RAPGEF5: variants seen among roughly 807,000 people sequenced by gnomAD.
The protein encoded by RAPGEF5 is Rap guanine nucleotide exchange factor 5.
A neutral mutation model predicts 125.2 loss-of-function variants in RAPGEF5; 65 were observed. The observed-to-expected ratio is 0.52, with a 90% CI of 0.43 to 0.64. RAPGEF5 has a LOEUF of 0.64. Ranked by LOEUF, RAPGEF5 falls within the 30% of genes least tolerant of loss-of-function variation. The pLI is 0.00. For synonymous variants in RAPGEF5, 391 were observed against 385.9 expected (o/e 1.01, Z -0.16); for missense variants, 958 against 1,048.1 (o/e 0.91, Z 1.19).
At chr7:22,214,183 G>C (rs1484353164) in intron 9 of RAPGEF5, among the ~76,000 whole-genome samples, 2 of 152,138 alleles carry the variant, frequency 1.3e-5, no homozygotes, top group African/African-American at 4.8e-5. Context: ...ACCCTACCCT[G>C]GCAGCAGACT....
At position 22,162,472 on chromosome 7, in the gene RAPGEF5, C is replaced by A; in HGVS notation, c.1353G>T (p.Leu451Phe). 1 of 1,604,088 alleles carries A rather than the reference C, an allele frequency of 6.2e-7. No individual in the cohort carries two copies. Among genetic ancestry groups the A allele is most frequent in the Non-Finnish European group, 8.5e-7 (1 of 1,170,984 alleles). Residue 451 changes from leucine to phenylalanine, a missense_variant, in exon 13 of 26, where the codon TTG (leucine) becomes TTT (phenylalanine). Coordinates refer to ENST00000665637, the MANE Select transcript of RAPGEF5 (RefSeq NM_012294.5). ...SDVPRRKRKV[L>F]HLVSQWIALY... The stretch of plus-strand genomic sequence containing the variant: ...GAGCAATCCACTGGGAAACAAGATG[C>A]AAGACTTTACGTTTCCTACGCGGAA...
intron 9 of RAPGEF5, among the ~76,000 whole-genome samples, chr7:22,217,672 T>A (rs1029309867): frequency 6.6e-6 from 1 of 152,206 alleles, no homozygotes; most frequent in African/African-American, 2.4e-5. Flanking sequence ...AGATCCCTAA[T>A]ATTCCTTTCC....
chr7:22,211,587 A>G (rs1785507220), intron 9 of RAPGEF5, among the ~76,000 whole-genome samples: 1 of 152,208 alleles, frequency 6.6e-6, no homozygotes. Flanking sequence ...TTTTGCATGT[A>G]TGCTGGTTAC....
chr7:22,155,292 T>C (rs1425203237), intron 16 of RAPGEF5, among the ~76,000 whole-genome samples: 1 of 152,236 alleles, frequency 6.6e-6, no homozygotes, highest in East Asian at 1.9e-4. Context: ...TAGGACATTA[T>C]CACTATCAGG....
chr7:22,356,054 T>A, intron 1 of RAPGEF5: 3 of 985,386 alleles, frequency 3.0e-6, no homozygotes, highest in Non-Finnish European at 3.6e-6. Context: ...TGGCGGGGCC[T>A]CCTAGGTGGC....
At chr7:22,213,006 A>G (rs1447638038) in intron 9 of RAPGEF5, among the ~76,000 whole-genome samples, 1 of 152,228 alleles carries the variant, frequency 6.6e-6, no homozygotes, top group African/African-American at 2.4e-5. Context: ...CAGAGAATAA[A>G]AGGACCCTTT....
In RAPGEF5 at chr7:22,156,830, G is replaced by T. The variant is rs766612818; in HGVS notation, c.1616C>A (p.Thr539Asn). 4 of 1,613,816 alleles carry T rather than the reference G, an allele frequency of 2.5e-6. No homozygotes were observed. In the African/African-American group the frequency reaches 5.3e-5, roughly 22 times the overall value. The change falls in exon 16 of 26, where the codon ACT becomes AAT. Residue 539 changes from threonine (T) to asparagine (N), a missense_variant. Thr to Asn is a moderately conservative substitution (Grantham distance 65). Coordinates refer to ENST00000665637, the MANE Select transcript of RAPGEF5 (RefSeq NM_012294.5). ...CTCACTTTCCTCCGTTTCAGTCACAGTTCCTCTATGCTGGAGCCAGTTCTC... is the reference window on the plus strand; with the variant it reads ...CTCACTTTCCTCCGTTTCAGTCACATTTCCTCTATGCTGGAGCCAGTTCTC... Reference protein sequence around the residue: ...LKENWLQHRGTVTETEEIFCH... With the variant: ...LKENWLQHRGNVTETEEIFCH...
rs1784441278 is a variant in RAPGEF5 at position 22,174,338 on chromosome 7, T to C, written c.1205-7190A>G. 2.0e-5 allele frequency among the ~76,000 whole-genome samples: 3 copies of C among 152,288 alleles called. No individual in the cohort carries two copies. The South Asian group carries it at 6.2e-4, about 32-fold the overall frequency. ...GGTCTGTGGCTGAGTCACAAACCTG[T>C]GGTCTTGTGACTTGCAGGTCTTGTT... On this transcript the variant is annotated intron_variant, in intron 11 of 25. Coordinates refer to ENST00000665637, the MANE Select transcript of RAPGEF5 (RefSeq NM_012294.5).
intron 5 of RAPGEF5, among the ~76,000 whole-genome samples, chr7:22,299,192 C>A (rs549528533): frequency 3.9e-5 from 6 of 151,962 alleles, no homozygotes; most frequent in Admixed American, 2.0e-4. Context: ...TTATTCTTTC[C>A]TAATATAAGC....
rs555427260 is a variant in RAPGEF5 at position 22,181,767 on chromosome 7, TGAAA to T, written c.1204+11596_1204+11599del. Among the ~76,000 whole-genome samples, 46 of 152,170 alleles carry T rather than the reference TGAAA, an allele frequency of 3.0e-4. 1 individual carries two copies. The South Asian group carries it at 3.7e-3, about 12-fold the overall frequency. On this transcript the variant is annotated intron_variant, in intron 11 of 25. Coordinates refer to ENST00000665637, the MANE Select transcript of RAPGEF5 (RefSeq NM_012294.5). ...CAAGGCAAAAAAGCTGCAAACTGAA[TGAAA>T]GAAAAGGTTTCAATTGTAGAGTAAG...
At chr7:22,342,011 A>G (rs1295156696) in intron 1 of RAPGEF5, among the ~76,000 whole-genome samples, 1 of 152,192 alleles carries the variant, frequency 6.6e-6, no homozygotes, top group East Asian at 1.9e-4. Flanking sequence ...CTCCCACCCC[A>G]CATTCCCCTT....
intron 1 of RAPGEF5, among the ~76,000 whole-genome samples, chr7:22,333,840 A>C (rs868291963): frequency 5.5e-5 from 8 of 146,078 alleles, no homozygotes; most frequent in African/African-American, 2.0e-4. Flanking sequence ...CACCCAGAGA[A>C]ACAGAGAGAG....
In RAPGEF5 at chr7:22,265,692, C is replaced by T. The variant is rs1287718080; in HGVS notation, c.796+1272G>A. 2.0e-5 allele frequency among the ~76,000 whole-genome samples: 3 copies of T among 152,278 alleles called. No individual in the cohort carries two copies. The East Asian group carries it at 5.8e-4, about 29-fold the overall frequency. ...TGGCTGTACTAATTTAACATTCCCA[C>T]CAACAGTTTATGAGAGTTTCCCTTT... On this transcript the variant is annotated intron_variant, in intron 7 of 25. Coordinates refer to ENST00000665637, the MANE Select transcript of RAPGEF5 (RefSeq NM_012294.5).
rs1783458419 is a variant in RAPGEF5, at chr7:22,146,941, C to G, written c.1963G>C (p.Glu655Gln). The G allele has an allele frequency of 1.9e-6, 3 of 1,613,664 alleles. No homozygotes were observed. Among genetic ancestry groups the G allele is most frequent in the East Asian group, 2.2e-5 (1 of 44,876 alleles). The change falls in exon 19 of 26, where the codon GAA becomes CAA. Residue 655 changes from glutamate to glutamine, a missense_variant. Transcript: ENST00000665637. ...LGMNTWDLALELMNFDWSLFN... is the reference protein window; with the variant it reads ...LGMNTWDLALQLMNFDWSLFN... ...AGACTCCAATCAAAATTCATTAATTCCAGAGCAAGATCCCAAGTGTTCATT... is the reference window on the plus strand; with the variant it reads ...AGACTCCAATCAAAATTCATTAATTGCAGAGCAAGATCCCAAGTGTTCATT...
chr7:22,348,861 C>T (rs1466363967), intron 1 of RAPGEF5, among the ~76,000 whole-genome samples: 1 of 152,100 alleles, frequency 6.6e-6, no homozygotes, highest in African/African-American at 2.4e-5. Flanking sequence ...GCAAGGCATG[C>T]GGATCACTTG....
At chr7:22,149,807 G>A (rs1052652150) in intron 18 of RAPGEF5, among the ~76,000 whole-genome samples, 1 of 152,076 alleles carries the variant, frequency 6.6e-6, no homozygotes, top group South Asian at 2.1e-4. Flanking sequence ...CACCGAAAAA[G>A]AAGAAATGAA....
chr7:22,326,235 G>T (rs1009797076), intron 1 of RAPGEF5, among the ~76,000 whole-genome samples: 2 of 152,164 alleles, frequency 1.3e-5, no homozygotes, highest in Non-Finnish European at 2.9e-5. Context: ...TAGGATATAT[G>T]AAGAGCTTCA....
chr7:22,296,166 TAAGAGAAGTCC>T (rs1365613526), intron 5 of RAPGEF5, among the ~76,000 whole-genome samples: 1 of 151,842 alleles, frequency 6.6e-6, no homozygotes, highest in African/African-American at 2.4e-5. Flanking sequence ...GCAGAAAAAA[TAAGAGAAGTCC>T]AAGACTGACC....
At chr7:22,316,789 C>T (rs1011525984) in intron 2 of RAPGEF5, among the ~76,000 whole-genome samples, 3 of 151,588 alleles carry the variant, frequency 2.0e-5, no homozygotes, top group African/African-American at 7.3e-5. Flanking sequence ...TGAGCAACTG[C>T]ACCTGGCCGA....
Sources: allele counts gnomAD v4.1 joint callset (sites outside exome capture counted in the v4.1 genomes callset), GRCh38; gene constraint gnomAD v4.1.1; transcripts MANE v1.5; gene names NCBI Gene and HGNC (gene_info 2026-07-23, HGNC 2026-07-21).